The following PRKG1 variants were observed in gnomAD, a reference collection of about 807,000 sequenced individuals.
PRKG1 encodes the protein cGMP-dependent protein kinase 1.
Under a neutral mutation model 88.1 loss-of-function variants are expected in PRKG1, and 35 were observed. That is an observed-to-expected ratio of 0.40 (90% CI 0.30 to 0.53). The LOEUF (loss-of-function observed/expected upper bound fraction) is 0.53. Ranked by LOEUF, PRKG1 falls within the 20% of genes least tolerant of loss-of-function variation. The pLI is 0.59. For missense variants in PRKG1, 540 were observed against 839.8 expected, an observed-to-expected ratio of 0.64 and a Z score of 4.41; for synonymous variants, 303 against 292.5, an observed-to-expected ratio of 1.04 and a Z score of -0.37.
chr10:51,856,380 G>T (rs987382461), intron 4 of PRKG1, among the ~76,000 whole-genome samples: 2 of 152,134 alleles, frequency 1.3e-5, no homozygotes, highest in African/African-American at 4.8e-5. Flanking sequence ...AAGTATCCTT[G>T]AAGTCACATA....
At chr10:51,550,783 C>A (rs944434013) in intron 3 of PRKG1, among the ~76,000 whole-genome samples, 1 of 151,836 alleles carries the variant, frequency 6.6e-6, no homozygotes, top group African/African-American at 2.4e-5. Context: ...CCACATATAT[C>A]AAGAATTCAT....
intron 5 of PRKG1, among the ~76,000 whole-genome samples, chr10:52,037,545 A>C (rs1361593668): frequency 6.6e-5 from 10 of 151,002 alleles, no homozygotes; most frequent in South Asian, 2.1e-4. Context: ...CTGCCAAACA[A>C]GTCATGAACT....
chr10:51,113,777 CAAT>C (rs1845036521), intron 1 of PRKG1, among the ~76,000 whole-genome samples: 1 of 145,090 alleles, frequency 6.9e-6, no homozygotes, highest in African/African-American at 2.5e-5. Context: ...GTGAAAGCCT[CAAT>C]AAAAAAATGT....
At chr10:51,498,217 C>T (rs1488392565) in intron 3 of PRKG1, among the ~76,000 whole-genome samples, 1 of 152,254 alleles carries the variant, frequency 6.6e-6, no homozygotes, top group Non-Finnish European at 1.5e-5. Flanking sequence ...TTAATAAGCT[C>T]AAAGTCTAAT....
At chr10:51,271,567 A>C (rs948145793) in intron 2 of PRKG1, among the ~76,000 whole-genome samples, 2 of 152,222 alleles carry the variant, frequency 1.3e-5, no homozygotes, top group African/African-American at 2.4e-5. Context: ...TTTCAGATCT[A>C]GATGGCTTTT....
intron 2 of PRKG1, among the ~76,000 whole-genome samples, chr10:51,395,257 A>C (rs909441168): frequency 5.3e-5 from 8 of 152,218 alleles, no homozygotes; most frequent in Non-Finnish European, 1.0e-4. Flanking sequence ...TGGGACTTTA[A>C]GGTTGCCACC....
intron 4 of PRKG1, among the ~76,000 whole-genome samples, chr10:51,897,586 G>A (rs913667801): frequency 7.2e-5 from 11 of 152,064 alleles, no homozygotes; most frequent in South Asian, 2.1e-4. Context: ...AAAATAACTC[G>A]CTTATTGAAT....
chr10:52,030,335 G>A (rs1845445230), intron 5 of PRKG1, among the ~76,000 whole-genome samples: 1 of 152,124 alleles, frequency 6.6e-6, no homozygotes, highest in Non-Finnish European at 1.5e-5. Flanking sequence ...TTTTCTGAGA[G>A]TAATTCTCTG....
chr10:52,251,120 T>C (rs1841159115), intron 9 of PRKG1, among the ~76,000 whole-genome samples: 1 of 152,034 alleles, frequency 6.6e-6, no homozygotes, highest in Non-Finnish European at 1.5e-5. Flanking sequence ...TAAATATTTA[T>C]AGGAGGCACT....
chr10:50,993,192 G>A (rs930759369), intron 1 of PRKG1, among the ~76,000 whole-genome samples: 10 of 152,186 alleles, frequency 6.6e-5, no homozygotes, highest in African/African-American at 2.4e-4. Flanking sequence ...AAGAAGACCA[G>A]GAGCTGGGAG....
rs1167219822 is a variant in PRKG1, at chr10:51,843,093, C to CTTTTTTTTTT, written c.698+38417_698+38426dup. Among the ~76,000 whole-genome samples, 242 of 87,888 alleles carry CTTTTTTTTTT rather than the reference C, an allele frequency of 2.8e-3. 5 individuals are homozygous for CTTTTTTTTTT. Among genetic ancestry groups the CTTTTTTTTTT allele is most frequent in the Non-Finnish European group, 4.2e-3 (184 of 43,424 alleles). 57.7% of individuals were successfully genotyped at this position (87,888 alleles called of 152,430 possible). ...TTTATTTAAATTTAGGAAAATTATT[C>CTTTTTTTTTT]TTTTTTTTTTTTTTTTTTTTTTTGA... On this transcript the variant is annotated intron_variant, in intron 4 of 17. Coordinates refer to ENST00000373980, the MANE Select transcript of PRKG1 (RefSeq NM_006258.4).
intron 10 of PRKG1, among the ~76,000 whole-genome samples, chr10:52,269,063 TAA>T (rs112305020): frequency 1.4e-5 from 2 of 142,356 alleles, no homozygotes; most frequent in African/African-American, 5.1e-5. Context: ...TGTACAAGTA[TAA>T]AAAAAAAAAA....
intron 3 of PRKG1, among the ~76,000 whole-genome samples, chr10:51,522,043 GATT>G (rs1223140445): frequency 6.6e-6 from 1 of 152,036 alleles, no homozygotes; most frequent in East Asian, 1.9e-4. Flanking sequence ...TCCCTTTTTG[GATT>G]ATTATTTTCA....
At chr10:52,144,649 A>G (rs947773716) in intron 8 of PRKG1, among the ~76,000 whole-genome samples, 4 of 152,068 alleles carry the variant, frequency 2.6e-5, no homozygotes, top group African/African-American at 4.8e-5. Context: ...TGTCTCAACC[A>G]AAAATACAAA....
intron 1 of PRKG1, among the ~76,000 whole-genome samples, chr10:51,134,414 A>G (rs1195217095): frequency 6.6e-6 from 1 of 152,124 alleles, no homozygotes; most frequent in African/African-American, 2.4e-5. Context: ...CTAACTGATG[A>G]TCTCTTATAG....
chr10:51,335,870 T>C (rs1350213630), intron 2 of PRKG1, among the ~76,000 whole-genome samples: 1 of 152,248 alleles, frequency 6.6e-6, no homozygotes, highest in East Asian at 1.9e-4. Flanking sequence ...TCTCTGTTTA[T>C]GAATGGATTA....
At chr10:51,714,737 G>A (rs2132439670) in intron 3 of PRKG1, among the ~76,000 whole-genome samples, 1 of 152,308 alleles carries the variant, frequency 6.6e-6, no homozygotes, top group African/African-American at 2.4e-5. Context: ...TGGAGCAGTA[G>A]TTTTGAAAGG....
chr10:51,576,936 A>C (rs564608388), intron 3 of PRKG1, among the ~76,000 whole-genome samples: 1 of 152,094 alleles, frequency 6.6e-6, no homozygotes, highest in South Asian at 2.1e-4. Flanking sequence ...ATCCCATAAT[A>C]TTAGCAAAAT....
chr10:51,585,587 C>A (rs1286484955), intron 3 of PRKG1, among the ~76,000 whole-genome samples: 1 of 152,098 alleles, frequency 6.6e-6, no homozygotes, highest in South Asian at 2.1e-4. Flanking sequence ...TAAAAGAGAA[C>A]TACCATTCAA....
Sources: gnomAD v4.1 joint callset for allele counts (sites outside exome capture counted in the v4.1 genomes callset) on GRCh38, gnomAD v4.1.1 for gene constraint, MANE v1.5 for transcripts, NCBI Gene and HGNC (gene_info 2026-07-23, HGNC 2026-07-21) for gene names.